The following DIP2C variants were observed in gnomAD, a reference collection of about 807,000 sequenced individuals.
The protein encoded by DIP2C is DIP2 acetate--CoA ligase C (putative), also known as disco-interacting protein 2 homolog C.
In DIP2C, 33 loss-of-function variants were observed where a neutral mutation model predicts 192.4. That is an observed-to-expected ratio of 0.17 (90% CI 0.13 to 0.23). The LOEUF is 0.23. DIP2C is among the 10% of genes least tolerant of loss of function. The probability of loss-of-function intolerance (pLI) is 1.00; values close to 1 mark genes in which losing one functional copy is unlikely to be tolerated. For missense variants in DIP2C, 1,537 were observed against 2,110.1 expected (o/e 0.73, Z 5.32); for synonymous variants, 979 against 864.1 (o/e 1.13, Z -2.33).
intron 7 of DIP2C, among the ~76,000 whole-genome samples, chr10:414,739 G>A (rs60775421): frequency 0.069 from 6,242 of 90,108 alleles, 620 homozygotes; most frequent in African/African-American, 0.18. Flanking sequence ...GTGTGTGTGT[G>A]TACATATATA....
At chr10:323,867 G>C (rs1397711250) in intron 31 of DIP2C, among the ~76,000 whole-genome samples, 1 of 152,176 alleles carries the variant, frequency 6.6e-6, no homozygotes, top group East Asian at 1.9e-4. Flanking sequence ...GGAGAGCCAG[G>C]GAGCGAGAGG....
chr10:662,370 G>A (rs1313775601), intron 1 of DIP2C, among the ~76,000 whole-genome samples: 2 of 152,236 alleles, frequency 1.3e-5, no homozygotes, highest in East Asian at 1.9e-4. Context: ...CTACGCAGGT[G>A]TATGGATGCT....
intron 3 of DIP2C, among the ~76,000 whole-genome samples, chr10:456,465 A>G (rs12260742): frequency 0.037 from 4,297 of 116,628 alleles, 491 homozygotes; most frequent in African/African-American, 0.26. Flanking sequence ...CTGAGGGGAG[A>G]CTGTGAGGAG....
chr10:311,707 C>G (rs762557727), intron 31 of DIP2C: 284 of 593,392 alleles, frequency 4.8e-4, no homozygotes, highest in Non-Finnish European at 6.4e-4. Context: ...GAGGAGAATG[C>G]GAAAAGCAGG....
intron 1 of DIP2C, among the ~76,000 whole-genome samples, chr10:592,767 AAAAT>A (rs1055713199): frequency 6.6e-6 from 1 of 152,184 alleles, no homozygotes; most frequent in African/African-American, 2.4e-5. Context: ...GACAAGCTTC[AAAAT>A]AAATACCATG....
chr10:602,376 C>G (rs185711092), intron 1 of DIP2C, among the ~76,000 whole-genome samples: 1 of 152,342 alleles, frequency 6.6e-6, no homozygotes, highest in Admixed American at 6.5e-5. Flanking sequence ...CCTAACACCA[C>G]AGCAGAGCAA....
At chr10:594,166 G>A (rs1035228622) in intron 1 of DIP2C, among the ~76,000 whole-genome samples, 8 of 152,178 alleles carry the variant, frequency 5.3e-5, no homozygotes, top group South Asian at 2.1e-4. Context: ...GGGAGAGAAC[G>A]GCCAGACATG....
At chr10:479,191 A>G (rs1488487203) in intron 2 of DIP2C, among the ~76,000 whole-genome samples, 1 of 152,194 alleles carries the variant, frequency 6.6e-6, no homozygotes, top group Non-Finnish European at 1.5e-5. Flanking sequence ...GCCAGAAAGC[A>G]AACAGGACAA....
intron 29 of DIP2C, among the ~76,000 whole-genome samples, chr10:334,316 A>AAG (rs1957646718): frequency 6.6e-6 from 1 of 151,320 alleles, no homozygotes; most frequent in African/African-American, 2.4e-5. Flanking sequence ...AAAAAAAAAA[A>AAG]AAAAAAAAAG....
At chr10:296,549 A>G (rs1955762261) in intron 32 of DIP2C, among the ~76,000 whole-genome samples, 1 of 152,154 alleles carries the variant, frequency 6.6e-6, no homozygotes, top group African/African-American at 2.4e-5. Context: ...TATATACCCA[A>G]AGGATTATAA....
intron 17 of DIP2C, among the ~76,000 whole-genome samples, chr10:374,962 T>C (rs544560492): frequency 5.9e-5 from 9 of 152,302 alleles, no homozygotes; most frequent in African/African-American, 2.2e-4. Flanking sequence ...GTGTGTCTCA[T>C]GAAGAATATG....
intron 3 of DIP2C, among the ~76,000 whole-genome samples, chr10:462,872 C>A (rs59646570): frequency 1.3e-5 from 2 of 152,158 alleles, no homozygotes; most frequent in African/African-American, 2.4e-5. Context: ...ATATGCAAAT[C>A]AATAAATGTA....
intron 1 of DIP2C, among the ~76,000 whole-genome samples, chr10:635,501 T>C (rs996920172): frequency 9.2e-5 from 14 of 152,220 alleles, no homozygotes; most frequent in Non-Finnish European, 1.9e-4. Flanking sequence ...AAGCCGGGTC[T>C]CTGGGGCGTT....
intron 9 of DIP2C, among the ~76,000 whole-genome samples, chr10:406,519 A>T (rs1481567990): frequency 6.6e-6 from 1 of 151,952 alleles, no homozygotes; most frequent in East Asian, 1.9e-4. Flanking sequence ...ACTGAAAGGG[A>T]TCAGACCTAA....
chr10:605,505 TCA>T (rs1852397298), intron 1 of DIP2C, among the ~76,000 whole-genome samples: 1 of 152,190 alleles, frequency 6.6e-6, no homozygotes, highest in Non-Finnish European at 1.5e-5. Context: ...AAACTGTTAC[TCA>T]CACAAGACTG....
chr10:349,748 G>A (rs141815542), intron 24 of DIP2C, among the ~76,000 whole-genome samples: 3,596 of 152,268 alleles, frequency 0.024, 135 homozygotes, highest in African/African-American at 0.082. Flanking sequence ...AAATGATTAC[G>A]TGAATTAAAA....
intron 1 of DIP2C, chr10:650,368 T>G (rs1454172343): frequency 1.4e-6 from 1 of 716,898 alleles, no homozygotes; most frequent in East Asian, 2.7e-5. Context: ...GGGCTGTGGA[T>G]AACGCCAGCC....
intron 4 of DIP2C, among the ~76,000 whole-genome samples, chr10:429,012 T>C (rs1966768108): frequency 6.6e-6 from 1 of 152,116 alleles, no homozygotes; most frequent in Non-Finnish European, 1.5e-5. Context: ...CAGAGTGGTA[T>C]ACTTGTCACA....
intron 1 of DIP2C, among the ~76,000 whole-genome samples, chr10:631,713 C>T (rs909683609): frequency 6.6e-6 from 1 of 152,174 alleles, no homozygotes; most frequent in Non-Finnish European, 1.5e-5. Flanking sequence ...TAAAAAATAC[C>T]TAAAACTAAG....
Sources: gnomAD v4.1 joint callset for allele counts (sites outside exome capture counted in the v4.1 genomes callset) on GRCh38, gnomAD v4.1.1 for gene constraint, MANE v1.5 for transcripts, NCBI Gene and HGNC (gene_info 2026-07-23, HGNC 2026-07-21) for gene names.